CDCA7L: variants seen among roughly 807,000 people sequenced by gnomAD.
The protein encoded by CDCA7L is cell division cycle associated 7 like.
Under a neutral mutation model 57.4 loss-of-function variants are expected in CDCA7L, and 44 were observed. The observed-to-expected ratio is 0.77, with a 90% CI of 0.60 to 0.98. The LOEUF (loss-of-function observed/expected upper bound fraction) is 0.98. Among genes scored for constraint, CDCA7L ranks in the 50% least tolerant of loss-of-function variants. CDCA7L has a pLI of 0.00. For missense variants in CDCA7L, 644 were observed against 580.6 expected (o/e 1.11, Z -1.12); for synonymous variants, 236 against 202.8 (o/e 1.16, Z -1.39).
chr7:21,941,736 C>T (rs1786345804), intron 1 of CDCA7L, among the ~76,000 whole-genome samples: 1 of 152,180 alleles, frequency 6.6e-6, no homozygotes. Flanking sequence ...TACAAATTGC[C>T]CTGAGCAAAT....
chr7:21,944,387 G>A (rs1786440670), intron 1 of CDCA7L, among the ~76,000 whole-genome samples: 2 of 141,528 alleles, frequency 1.4e-5, no homozygotes, highest in South Asian at 2.3e-4. Context: ...GGAGGCGAAG[G>A]TTGCAGTGAG....
Position 21,901,362 on chromosome 7 carries a change from G to GTGCATTCT in CDCA7L, c.*952_*959dup. The GTGCATTCT allele has an allele frequency of 7.3e-7, 1 of 1,372,072 alleles. No individual in the cohort carries two copies. Among genetic ancestry groups the GTGCATTCT allele is most frequent in the Non-Finnish European group, 9.5e-7 (1 of 1,050,440 alleles). The allele number at this position is 1,372,072 out of a possible 1,614,324, so 85.0% of individuals were successfully genotyped here. ...ATTCTAACTTTTTAGTAACTCACAC[G>GTGCATTCT]TGCATTCTTTTTTCAACGCTATCCT... On this transcript the variant is annotated 3_prime_UTR_variant, in exon 10 of 10. Coordinates refer to ENST00000406877, the MANE Select transcript of CDCA7L (RefSeq NM_018719.5).
At chr7:21,934,522 G>C (rs890316203) in intron 1 of CDCA7L, among the ~76,000 whole-genome samples, 1 of 152,078 alleles carries the variant, frequency 6.6e-6, no homozygotes, top group Non-Finnish European at 1.5e-5. Context: ...AAAAGCCATA[G>C]GATATACAGA....
intron 1 of CDCA7L, among the ~76,000 whole-genome samples, chr7:21,937,617 G>A (rs544218917): frequency 1.5e-4 from 22 of 149,634 alleles, no homozygotes; most frequent in Admixed American, 6.0e-4. Context: ...TAGCCTAGGT[G>A]ACAGAACAAG....
At chr7:21,929,656 A>AAAAAAAAAAAAAG (rs1785945076) in intron 1 of CDCA7L, among the ~76,000 whole-genome samples, 1 of 123,350 alleles carries the variant, frequency 8.1e-6, no homozygotes, top group African/African-American at 2.7e-5. Flanking sequence ...AAAAAAAAAA[A>AAAAAAAAAAAAAG]GCAGGGATTG....
At chr7:21,917,985 T>G (rs954269476) in intron 1 of CDCA7L, among the ~76,000 whole-genome samples, 1 of 77,128 alleles carries the variant, frequency 1.3e-5, no homozygotes, top group African/African-American at 8.0e-5. Context: ...TTGTTGTTTT[T>G]CACAACACTG....
intron 1 of CDCA7L, among the ~76,000 whole-genome samples, chr7:21,935,973 A>G (rs561243407): frequency 1.3e-5 from 2 of 152,158 alleles, no homozygotes; most frequent in East Asian, 3.9e-4. Flanking sequence ...GTGCCACTAC[A>G]CTCCAGCCTG....
chr7:21,918,429 TTTTTAAAAACTTA>T (rs1182074122), intron 1 of CDCA7L, among the ~76,000 whole-genome samples: 2 of 152,220 alleles, frequency 1.3e-5, no homozygotes, highest in Non-Finnish European at 2.9e-5. Flanking sequence ...TCTGCCTCAT[TTTTTAAAAACTTA>T]GTTTATCTGC....
chr7:21,900,951 C>T lies in CDCA7L; in HGVS notation c.*1371G>A, dbSNP rs1321755607. On this transcript the variant is annotated 3_prime_UTR_variant, in exon 10 of 10. Coordinates refer to ENST00000406877, the MANE Select transcript of CDCA7L (RefSeq NM_018719.5). ...TATTGCATCAAACAACTTACTTGAT[C>T]ATTATCATTAGTAGCAAGCTGCCAC... 6.6e-6 allele frequency: 10 copies of T among 1,503,992 alleles called. No homozygotes were observed. The highest frequency in any genetic ancestry group is 1.4e-5 in the South Asian group (1 of 69,878). 93.2% of individuals were successfully genotyped at this position (1,503,992 alleles called of 1,614,324 possible).
intron 1 of CDCA7L, chr7:21,944,638 T>G (rs1786455990): frequency 6.6e-6 from 1 of 152,094 alleles, no homozygotes; most frequent in South Asian, 2.1e-4. Flanking sequence ...GCGACCATTT[T>G]CAGGAAGGCT....
chr7:21,902,915 G>A (rs1045681318), intron 9 of CDCA7L, 63 bp downstream of exon 9: 2 of 1,532,200 alleles, frequency 1.3e-6, no homozygotes, highest in South Asian at 2.4e-5. Flanking sequence ...CTTGCCCAGA[G>A]GGTCTCCTGT....
intron 1 of CDCA7L, among the ~76,000 whole-genome samples, chr7:21,945,502 G>A (rs1459447646): frequency 6.6e-6 from 1 of 151,432 alleles, no homozygotes; most frequent in Non-Finnish European, 1.5e-5. Flanking sequence ...CTAGCTCCCC[G>A]CCTGCACCCC....
chr7:21,920,188 G>A (rs1785608250), intron 1 of CDCA7L, among the ~76,000 whole-genome samples: 1 of 152,088 alleles, frequency 6.6e-6, no homozygotes, highest in Non-Finnish European at 1.5e-5. Context: ...CAGCAAAAAG[G>A]GCAAATAATC....
Position 21,911,690 on chromosome 7 carries a change from G to C in CDCA7L, c.230C>G (p.Thr77Ser), listed in dbSNP as rs776912112. Residue 77 changes from threonine (T) to serine (S), a missense_variant, in exon 3 of 10, where the codon ACT (threonine) becomes AGT (serine). Coordinates refer to ENST00000406877, the MANE Select transcript of CDCA7L (RefSeq NM_018719.5). The part of the protein sequence containing the change: ...EELRRIFIED[T>S]DSETEDFAGF... ...TGCAAAATCCTCAGTCTCTGAGTCA[G>C]TGTCCTCTATAAAAATTCTTCTTAG... 3.7e-6 allele frequency: 6 copies of C among 1,613,816 alleles called. No individual in the cohort carries two copies. The highest frequency in any genetic ancestry group is 5.1e-6 in the Non-Finnish European group (6 of 1,179,886).
chr7:21,914,138 G>A (rs1583853189), intron 2 of CDCA7L, among the ~76,000 whole-genome samples: 1 of 152,190 alleles, frequency 6.6e-6, no homozygotes, highest in Non-Finnish European at 1.5e-5. Flanking sequence ...ATGTGACATG[G>A]AAGAAACAGA....
Position 21,945,819 on chromosome 7 carries a change from C to A in CDCA7L, c.-15G>T. On this transcript the variant is annotated 5_prime_UTR_variant, in exon 1 of 10. Transcript: ENST00000406877. ...GCCAACTCCATTCTTCCTAACCGGG[C>A]TCCAGTCTCCTCCCAGCACGCGGCC... is the stretch of plus-strand genomic sequence containing the variant. The A allele has an allele frequency of 6.3e-7, 1 of 1,597,728 alleles. No homozygotes were observed. The highest frequency in any genetic ancestry group is 8.5e-7 in the Non-Finnish European group (1 of 1,173,604).
At chr7:21,936,520 TAA>T (rs1786171231) in intron 1 of CDCA7L, among the ~76,000 whole-genome samples, 2 of 150,432 alleles carry the variant, frequency 1.3e-5, no homozygotes, top group Non-Finnish European at 3.0e-5. Context: ...TTCAAACACA[TAA>T]AAATCAATTA....
At chr7:21,909,833 C>A (rs774737665) in intron 3 of CDCA7L, among the ~76,000 whole-genome samples, 7 of 152,190 alleles carry the variant, frequency 4.6e-5, no homozygotes, top group Non-Finnish European at 1.0e-4. Flanking sequence ...AGCCCAGAAT[C>A]AGACCCAAGA....
Position 21,906,340 on chromosome 7 carries a change from G to A in CDCA7L, c.870C>T (p.Ala290=), listed in dbSNP as rs6958820. ...KFALENFTVS[A]AKFAEEFYSF... ...TGTAAAACTCTTCCGCAAATTTAGC[G>A]GCTGAGACAGTGAAGTTCTCTAGAG... The change falls in exon 6 of 10, where the codon GCC becomes GCT. Residue 290 remains alanine (A), a synonymous_variant. Coordinates refer to ENST00000406877, the MANE Select transcript of CDCA7L (RefSeq NM_018719.5). 39,793 of 1,611,914 alleles carry A rather than the reference G, an allele frequency of 0.025. 584 individuals are homozygous for A. The highest frequency in any genetic ancestry group is 0.036 in the South Asian group (3,257 of 90,878).
Sources: allele counts gnomAD v4.1 joint callset (sites outside exome capture counted in the v4.1 genomes callset), GRCh38; gene constraint gnomAD v4.1.1; transcripts MANE v1.5; gene names NCBI Gene and HGNC (gene_info 2026-07-23, HGNC 2026-07-21).